The following C4orf17 variants were observed in gnomAD, a reference collection of about 807,000 sequenced individuals.
C4orf17 encodes the protein uncharacterized protein C4orf17.
A neutral mutation model predicts 32.0 loss-of-function variants in C4orf17; 25 were observed. That is an observed-to-expected ratio of 0.78 (90% CI 0.57 to 1.09). The LOEUF is 1.09. Ranked by LOEUF, C4orf17 falls within the 50% of genes least tolerant of loss-of-function variation. The pLI is 0.00. For missense variants in C4orf17, 420 were observed against 420.0 expected (o/e 1.00, Z 0.00); for synonymous variants, 149 against 145.8 (o/e 1.02, Z -0.16).
At chr4:99,525,229 G>C (rs988664067) in intron 4 of C4orf17, among the ~76,000 whole-genome samples, 2 of 152,124 alleles carry the variant, frequency 1.3e-5, no homozygotes, top group African/African-American at 2.4e-5. Flanking sequence ...GTATGTTTAA[G>C]TTTCTAAGAA....
chr4:99,523,454 T>C (rs778382911), intron 3 of C4orf17, among the ~76,000 whole-genome samples: 5 of 152,228 alleles, frequency 3.3e-5, no homozygotes, highest in Non-Finnish European at 2.9e-5. Flanking sequence ...ACTCACTATA[T>C]GGACATATAC....
chr4:99,537,519 G>C lies in C4orf17; in HGVS notation c.547-150G>C. On this transcript the variant is annotated intron_variant, in intron 5 of 8. Transcript: ENST00000326581. ...ATTCTACTGTGTGCTATTTGAAATCGAGCTCGTGAGTTAAAAATCCCAATT... is the reference window on the plus strand; with the variant it reads ...ATTCTACTGTGTGCTATTTGAAATCCAGCTCGTGAGTTAAAAATCCCAATT... 4 of 605,762 alleles carry C rather than the reference G, an allele frequency of 6.6e-6. No homozygotes were observed. In the Admixed American group the frequency reaches 1.1e-4, roughly 16 times the overall value. The allele number at this position is 605,762 out of a possible 1,614,324, so 37.5% of individuals were successfully genotyped here.
intron 5 of C4orf17, among the ~76,000 whole-genome samples, chr4:99,532,589 C>T: frequency 6.6e-6 from 1 of 151,954 alleles, no homozygotes; most frequent in Non-Finnish European, 1.5e-5. Context: ...AGAAACTATC[C>T]GGAACTCTGT....
At chr4:99,535,481 A>G (rs1393193036) in intron 5 of C4orf17, among the ~76,000 whole-genome samples, 2 of 151,950 alleles carry the variant, frequency 1.3e-5, no homozygotes, top group Non-Finnish European at 2.9e-5. Context: ...CTTATTTCAG[A>G]AAGATATGCT....
intron 5 of C4orf17, 43 bp downstream of exon 5, chr4:99,530,001 G>A (rs760384597): frequency 1.3e-6 from 2 of 1,517,014 alleles, no homozygotes; most frequent in Non-Finnish European, 1.8e-6. Context: ...GAAACAGCAT[G>A]AATATACAAA....
At chr4:99,532,464 G>T (rs573049394) in intron 5 of C4orf17, among the ~76,000 whole-genome samples, 9 of 152,042 alleles carry the variant, frequency 5.9e-5, no homozygotes, top group African/African-American at 1.4e-4. Flanking sequence ...ACCAAATACC[G>T]CATATTCTCA....
At chr4:99,526,362 A>G (rs577105559) in intron 4 of C4orf17, among the ~76,000 whole-genome samples, 27 of 152,364 alleles carry the variant, frequency 1.8e-4, no homozygotes, top group Admixed American at 1.4e-3. Context: ...GTCATGATGT[A>G]TTATCCTTGT....
intron 3 of C4orf17, 107 bp from the exon 4 acceptor site, chr4:99,524,414 T>A: frequency 1.7e-6 from 1 of 589,608 alleles, no homozygotes; most frequent in East Asian, 3.1e-5. Context: ...TGAATTGACC[T>A]TAAAGTCAGA....
intron 5 of C4orf17, among the ~76,000 whole-genome samples, chr4:99,534,879 TA>T (rs1723536596): frequency 6.6e-6 from 1 of 151,866 alleles, no homozygotes; most frequent in East Asian, 1.9e-4. Context: ...TAGTGGCTGG[TA>T]AAAGTTTTCC....
intron 4 of C4orf17, among the ~76,000 whole-genome samples, chr4:99,525,199 A>G (rs1723365917): frequency 6.6e-6 from 1 of 152,220 alleles, no homozygotes; most frequent in South Asian, 2.1e-4. Context: ...TGAGTGAAAT[A>G]ACTGTGTCTT....
chr4:99,524,749 A>G (rs947053464), intron 4 of C4orf17, among the ~76,000 whole-genome samples, 164 bp downstream of exon 4: 3 of 152,190 alleles, frequency 2.0e-5, no homozygotes, highest in Non-Finnish European at 4.4e-5. Context: ...AAAATGCACA[A>G]TTTAATGAGC....
At chr4:99,521,555 G>A (rs1723287450) in intron 2 of C4orf17, among the ~76,000 whole-genome samples, 1 of 152,168 alleles carries the variant, frequency 6.6e-6, no homozygotes. Context: ...GACAGAGAGT[G>A]ATCAGGCACA....
intron 5 of C4orf17, among the ~76,000 whole-genome samples, chr4:99,533,110 C>A (rs1396206700): frequency 6.6e-6 from 1 of 152,134 alleles, no homozygotes; most frequent in Admixed American, 6.6e-5. Flanking sequence ...TTTATAAGTC[C>A]TATCAAGGTG....
chr4:99,538,398 G>A (rs13131565), intron 6 of C4orf17, among the ~76,000 whole-genome samples: 13,907 of 152,208 alleles, frequency 0.091, 1,180 homozygotes, highest in African/African-American at 0.21. Context: ...GTTCTCAGGT[G>A]ATGCTGATAA....
Position 99,511,172 on chromosome 4 carries a change from G to A in C4orf17, c.-194G>A, listed in dbSNP as rs925442401. On this transcript the variant is annotated 5_prime_UTR_variant, in exon 1 of 9. Coordinates refer to ENST00000326581, the MANE Select transcript of C4orf17 (RefSeq NM_032149.3). ...TAGCTTAAGTGCAGAGATTTAAGGAGATCAACAAAAACTCAGTCTAGACAT... is the reference window on the plus strand; with the variant it reads ...TAGCTTAAGTGCAGAGATTTAAGGAAATCAACAAAAACTCAGTCTAGACAT... 1 of 152,148 alleles carries A rather than the reference G, an allele frequency of 6.6e-6. No homozygotes were observed. The allele number at this position is 152,148 out of a possible 1,614,324, so 9.4% of individuals were successfully genotyped here.
intron 6 of C4orf17, 46 bp from the exon 7 acceptor site, chr4:99,539,117 A>C: frequency 2.6e-6 from 4 of 1,532,992 alleles, no homozygotes; most frequent in Non-Finnish European, 3.6e-6. Flanking sequence ...CCAACATGAT[A>C]ATTGCAACCT....
intron 4 of C4orf17, among the ~76,000 whole-genome samples, chr4:99,528,644 C>T (rs1723429373): frequency 6.6e-6 from 1 of 152,066 alleles, no homozygotes. Flanking sequence ...AGGGAGGAGT[C>T]AAGAAACTTA....
intron 5 of C4orf17, among the ~76,000 whole-genome samples, chr4:99,530,501 CAG>C: frequency 6.6e-6 from 1 of 151,322 alleles, no homozygotes; most frequent in Non-Finnish European, 1.5e-5. Flanking sequence ...AAGAATACGT[CAG>C]TCAGCTGATA....
intron 2 of C4orf17, among the ~76,000 whole-genome samples, chr4:99,519,778 G>A (rs1178520014): frequency 1.3e-5 from 2 of 152,200 alleles, no homozygotes; most frequent in African/African-American, 2.4e-5. Context: ...AGTCATCAAA[G>A]TGGGAAGGAA....
Sources: gnomAD v4.1 joint callset for allele counts (sites outside exome capture counted in the v4.1 genomes callset) on GRCh38, gnomAD v4.1.1 for gene constraint, MANE v1.5 for transcripts, NCBI Gene and HGNC (gene_info 2026-07-23, HGNC 2026-07-21) for gene names.